PCDHA10: variants seen among roughly 807,000 people sequenced by gnomAD.
PCDHA10 encodes the protein protocadherin alpha 10, also known as protocadherin alpha-10.
In PCDHA10, 45 loss-of-function variants were observed where a neutral mutation model predicts 61.2. That is an observed-to-expected ratio of 0.74 (90% CI 0.58 to 0.94). The LOEUF is 0.94. PCDHA10 is among the 40% of genes least tolerant of loss of function. The probability of loss-of-function intolerance (pLI) is 0.00; values close to 1 mark genes in which losing one functional copy is unlikely to be tolerated. For synonymous variants in PCDHA10, 602 were observed against 548.8 expected (o/e 1.10, Z -1.35); for missense variants, 1,278 against 1,236.2 (o/e 1.03, Z -0.51).
rs571904104 is a variant in PCDHA10, at chr5:140,891,379, AT to A, written c.2388+32946del. On this transcript the variant is annotated intron_variant, in intron 1 of 3. Transcript: ENST00000307360. ...ACCTGAGCAGTATACATTGCACCATATTTGCAATCTTTTATCCCTCGCCACC... is the reference window on the plus strand; with the variant it reads ...ACCTGAGCAGTATACATTGCACCATATTGCAATCTTTTATCCCTCGCCACC... Among the ~76,000 whole-genome samples, 7 of 151,980 alleles carry A rather than the reference AT, an allele frequency of 4.6e-5. No individual in the cohort carries two copies. In the South Asian group the frequency reaches 1.5e-3, roughly 32 times the overall value.
intron 1 of PCDHA10, among the ~76,000 whole-genome samples, chr5:140,940,236 A>G (rs1487572447): frequency 1.3e-5 from 2 of 152,200 alleles, no homozygotes; most frequent in East Asian, 3.8e-4. Flanking sequence ...TTGGTACATT[A>G]AAGTTACCTC....
intron 3 of PCDHA10, 63 bp downstream of exon 3, chr5:140,982,626 T>C (rs782343298): frequency 2.5e-5 from 39 of 1,581,800 alleles, no homozygotes; most frequent in Non-Finnish European, 2.8e-5. Context: ...TGACCTACTT[T>C]TGTAAGATCA....
chr5:140,888,712 A>G (rs567823119), intron 1 of PCDHA10, among the ~76,000 whole-genome samples: 34 of 152,168 alleles, frequency 2.2e-4, no homozygotes, highest in Non-Finnish European at 4.1e-4. Flanking sequence ...GGAATGTGAA[A>G]TATTTCCAGC....
rs781985413 is a variant in PCDHA10 at position 140,857,290 on chromosome 5, C to T, written c.1242C>T (p.Arg414=). The change falls in exon 1 of 4, where the codon CGC becomes CGT. Residue 414 remains arginine (R), a synonymous_variant. Coordinates refer to ENST00000307360, the MANE Select transcript of PCDHA10 (RefSeq NM_018901.4). ...TGGTGCTGGACAGCGCTCTGGACCG[C>T]GAGAGGGTGTCGGCCTATGAGCTGG... ...YSLVLDSALD[R]ERVSAYELVV... 16 of 1,598,706 alleles carry T rather than the reference C, an allele frequency of 1.0e-5. 2 individuals carry two copies. Among genetic ancestry groups the T allele is most frequent in the Non-Finnish European group, 1.4e-5 (16 of 1,168,040 alleles).
chr5:140,929,246 C>T, intron 1 of PCDHA10: 1 of 1,613,738 alleles, frequency 6.2e-7, no homozygotes, highest in Non-Finnish European at 8.5e-7. Context: ...AATCTTGCCA[C>T]TGGGGTAGGA....
chr5:140,993,446 TCTC>T (rs1262965335), intron 3 of PCDHA10, among the ~76,000 whole-genome samples: 4 of 146,376 alleles, frequency 2.7e-5, no homozygotes, highest in Non-Finnish European at 6.0e-5. Flanking sequence ...TCATTCCTGT[TCTC>T]CTTCTTTCTT....
intron 1 of PCDHA10, chr5:140,866,443 C>T (rs974368547): frequency 2.0e-5 from 3 of 151,700 alleles, no homozygotes; most frequent in Non-Finnish European, 2.9e-5. Flanking sequence ...CTTCTTCAGT[C>T]TTATTGTTGG....
At chr5:140,978,827 G>T (rs2096825118) in intron 1 of PCDHA10, 122 bp from the exon 2 acceptor site, 2 of 1,528,744 alleles carry the variant, frequency 1.3e-6, no homozygotes, top group Admixed American at 2.0e-5. Flanking sequence ...ACATGAAATG[G>T]CTCATTCAAT....
chr5:140,858,733 C>A (rs984187341), intron 1 of PCDHA10: 4 of 475,092 alleles, frequency 8.4e-6, no homozygotes, highest in African/African-American at 8.1e-5. Context: ...TGACGATTTA[C>A]TTTCATAATC....
At chr5:140,872,582 G>T (rs535860760) in intron 1 of PCDHA10, among the ~76,000 whole-genome samples, 2 of 152,202 alleles carry the variant, frequency 1.3e-5, no homozygotes, top group African/African-American at 4.8e-5. Context: ...ACCTATCATC[G>T]TGAGACCCCC....
chr5:140,953,951 A>C (rs1554221165), intron 1 of PCDHA10, among the ~76,000 whole-genome samples: 1 of 151,876 alleles, frequency 6.6e-6, no homozygotes, highest in Admixed American at 6.6e-5. Context: ...TGCTCCCCCA[A>C]CAGGCCCCAG....
rs546596358 is a variant in PCDHA10, at chr5:140,863,481, A to G, written c.2388+5045A>G. The G allele has an allele frequency of 1.2e-4, 54 of 468,998 alleles. No homozygotes were observed. The Middle Eastern group carries it at 1.4e-3, about 12-fold the overall frequency. The allele number at this position is 468,998 out of a possible 1,614,324, so 29.1% of individuals were successfully genotyped here. Reference sequence around the variant, plus strand: ...ATTTTACTCTGGAGAGTCGCCTCCCAAGGTCAACATTACGGCTTTTAGTCC... The same window carrying G: ...ATTTTACTCTGGAGAGTCGCCTCCCGAGGTCAACATTACGGCTTTTAGTCC... On this transcript the variant is annotated intron_variant, in intron 1 of 3. Coordinates refer to ENST00000307360, the MANE Select transcript of PCDHA10 (RefSeq NM_018901.4).
At position 140,858,041 on chromosome 5, in the gene PCDHA10, C is replaced by A. The variant is rs1446194845; in HGVS notation, c.1993C>A (p.Leu665Ile). 1 of 1,596,846 alleles carries A rather than the reference C, an allele frequency of 6.3e-7. No homozygotes were observed. The highest frequency in any genetic ancestry group is 2.2e-5 in the East Asian group (1 of 44,818). ...GTCGCTGACGGCCACGGCCACTGTGCTTGTGTCGCTTGTGGAGGGCAGCCA... is the reference window on the plus strand; with the variant it reads ...GTCGCTGACGGCCACGGCCACTGTGATTGTGTCGCTTGTGGAGGGCAGCCA... ...EPSLTATATV[L>I]VSLVEGSQAP... Residue 665 changes from leucine to isoleucine, a missense_variant, in exon 1 of 4, where the codon CTT becomes ATT. Leu to Ile is a conservative substitution (Grantham distance 5). Coordinates refer to ENST00000307360, the MANE Select transcript of PCDHA10 (RefSeq NM_018901.4).
At chr5:140,908,041 G>T (rs2073758972) in intron 1 of PCDHA10, among the ~76,000 whole-genome samples, 1 of 152,112 alleles carries the variant, frequency 6.6e-6, no homozygotes, top group Non-Finnish European at 1.5e-5. Context: ...GTATATAATT[G>T]CACATCCGGC....
chr5:140,891,234 G>A (rs1477518444), intron 1 of PCDHA10, among the ~76,000 whole-genome samples: 2 of 151,932 alleles, frequency 1.3e-5, no homozygotes, highest in Non-Finnish European at 2.9e-5. Context: ...ATCCTGTTCT[G>A]GATTCAGTAG....
At chr5:140,870,299 C>T (rs62622798) in intron 1 of PCDHA10, 44,120 of 1,614,102 alleles carry the variant, frequency 0.027, 770 homozygotes, top group Admixed American at 0.064. Flanking sequence ...CTGGTGTCCA[C>T]CTTCAAGAAT....
At chr5:141,007,426 G>A (rs1255100179) in intron 3 of PCDHA10, among the ~76,000 whole-genome samples, 4 of 151,118 alleles carry the variant, frequency 2.6e-5, no homozygotes, top group Non-Finnish European at 5.9e-5. Flanking sequence ...AAATTAGCCA[G>A]GCATGGTGGC....
chr5:140,881,480 TTG>T, intron 1 of PCDHA10: 2 of 445,316 alleles, frequency 4.5e-6, no homozygotes, highest in Non-Finnish European at 5.9e-6. Context: ...GGCTAAATTA[TTG>T]TGTTTATGCA....
At chr5:140,996,098 A>G (rs1173929406) in intron 3 of PCDHA10, among the ~76,000 whole-genome samples, 1 of 152,214 alleles carries the variant, frequency 6.6e-6, no homozygotes, top group Non-Finnish European at 1.5e-5. Context: ...ATTACATGGA[A>G]TGGTATGGAA....
Sources: allele counts gnomAD v4.1 joint callset (sites outside exome capture counted in the v4.1 genomes callset), GRCh38; gene constraint gnomAD v4.1.1; transcripts MANE v1.5; gene names NCBI Gene and HGNC (gene_info 2026-07-23, HGNC 2026-07-21).